The following DTWD2 variants were observed in gnomAD, a reference collection of about 807,000 sequenced individuals.
The protein encoded by DTWD2 is DTW motif tRNA-uridine aminocarboxypropyltransferase 2.
In DTWD2, 39 loss-of-function variants were observed where a neutral mutation model predicts 31.8. The ratio of observed to expected loss-of-function variants is 1.22; its 90% CI spans 0.95 to 1.60. DTWD2 has a LOEUF of 1.60. Ranked by LOEUF, DTWD2 falls within the 40% of genes most tolerant of loss-of-function variation. The pLI is 0.00. For missense variants in DTWD2, 515 were observed against 381.5 expected (o/e 1.35, Z -2.92); for synonymous variants, 180 against 142.8 (o/e 1.26, Z -1.86).
chr5:118,842,205 C>T (rs978996932), intron 5 of DTWD2, among the ~76,000 whole-genome samples: 7 of 152,128 alleles, frequency 4.6e-5, no homozygotes, highest in East Asian at 1.9e-4. Context: ...GTTGCTTCTT[C>T]GTATTATTTT....
intron 4 of DTWD2, among the ~76,000 whole-genome samples, chr5:118,870,932 C>A (rs1002018940): frequency 1.3e-5 from 2 of 149,090 alleles, no homozygotes; most frequent in African/African-American, 4.9e-5. Flanking sequence ...TATATAATAA[C>A]TTATATAATA....
At chr5:118,854,266 T>C (rs73792413) in intron 4 of DTWD2, among the ~76,000 whole-genome samples, 13,288 of 152,196 alleles carry the variant, frequency 0.087, 659 homozygotes, top group Middle Eastern at 0.17. Flanking sequence ...CATGCTTATC[T>C]AATCCTTTCC....
At chr5:118,974,001 A>T (rs536695395) in intron 1 of DTWD2, 197 of 1,596,874 alleles carry the variant, frequency 1.2e-4, no homozygotes, top group Admixed American at 3.0e-4. Context: ...GAAGAAGGTG[A>T]TGGTGAGGAA....
At chr5:118,974,809 CA>C (rs963324301) in intron 1 of DTWD2, 6,218 of 305,692 alleles carry the variant, frequency 0.02, no homozygotes, top group South Asian at 0.033. Context: ...GTTGTTCTAA[CA>C]AAAAAAAAAA....
intron 4 of DTWD2, among the ~76,000 whole-genome samples, chr5:118,904,958 T>C (rs1349493252): frequency 6.6e-6 from 1 of 152,118 alleles, no homozygotes; most frequent in Non-Finnish European, 1.5e-5. Context: ...GGTAAGAGTT[T>C]AGCAGTATAA....
chr5:118,868,601 G>C (rs1012623287), intron 4 of DTWD2, among the ~76,000 whole-genome samples: 2 of 152,044 alleles, frequency 1.3e-5, no homozygotes, highest in Non-Finnish European at 2.9e-5. Flanking sequence ...ACTTTGGGAG[G>C]CTGAGGCAGA....
intron 4 of DTWD2, among the ~76,000 whole-genome samples, chr5:118,916,336 C>T (rs140956349): frequency 1.3e-5 from 2 of 152,074 alleles, no homozygotes; most frequent in African/African-American, 2.4e-5. Context: ...TAAAAGAGAT[C>T]CCATACTCTG....
chr5:118,928,847 A>G (rs776256217), intron 3 of DTWD2, 118 bp from the exon 4 acceptor site: 13 of 816,762 alleles, frequency 1.6e-5, no homozygotes, highest in African/African-American at 7.0e-5. Flanking sequence ...CTAATCAAAT[A>G]TAAGTATTAG....
At chr5:118,895,799 C>G (rs1036041391) in intron 4 of DTWD2, among the ~76,000 whole-genome samples, 1 of 152,140 alleles carries the variant, frequency 6.6e-6, no homozygotes, top group African/African-American at 2.4e-5. Context: ...GATGGGAAAA[C>G]TGGATATCCA....
chr5:118,888,352 C>G (rs914938598), intron 4 of DTWD2, among the ~76,000 whole-genome samples: 1 of 152,162 alleles, frequency 6.6e-6, no homozygotes, highest in African/African-American at 2.4e-5. Flanking sequence ...TGAAATTATA[C>G]AATAGGTACT....
At chr5:118,919,227 A>C (rs1753647782) in intron 4 of DTWD2, among the ~76,000 whole-genome samples, 1 of 152,238 alleles carries the variant, frequency 6.6e-6, no homozygotes, top group South Asian at 2.1e-4. Flanking sequence ...AAGAGTTGGA[A>C]GCAAAGGAGA....
At chr5:118,875,793 T>C (rs1752607675) in intron 4 of DTWD2, among the ~76,000 whole-genome samples, 1 of 152,004 alleles carries the variant, frequency 6.6e-6, no homozygotes, top group South Asian at 2.1e-4. Flanking sequence ...CGGACAATCT[T>C]ACACAGATCA....
intron 5 of DTWD2, among the ~76,000 whole-genome samples, chr5:118,842,770 TAAA>T (rs67399561): frequency 7.7e-5 from 11 of 141,986 alleles, no homozygotes; most frequent in African/African-American, 1.5e-4. Context: ...CTGTTTCTAT[TAAA>T]AAAAAAAAAA....
chr5:118,859,585 C>A (rs1170162106), intron 4 of DTWD2, among the ~76,000 whole-genome samples: 2 of 152,136 alleles, frequency 1.3e-5, no homozygotes, highest in Non-Finnish European at 2.9e-5. Context: ...TTTGCCCCAG[C>A]ACCAATAATT....
chr5:118,986,059 A>G (rs1278594539), intron 1 of DTWD2, among the ~76,000 whole-genome samples: 2 of 152,194 alleles, frequency 1.3e-5, no homozygotes, highest in African/African-American at 4.8e-5. Context: ...TTGTTGAACA[A>G]CTGAATTTTA....
At chr5:118,951,193 A>C (rs1754456029) in intron 1 of DTWD2, among the ~76,000 whole-genome samples, 1 of 152,146 alleles carries the variant, frequency 6.6e-6, no homozygotes, top group Admixed American at 6.5e-5. Context: ...CACAGAAGGA[A>C]ACTGTAAGCC....
At chr5:118,894,620 C>T (rs1023922659) in intron 4 of DTWD2, among the ~76,000 whole-genome samples, 1 of 152,070 alleles carries the variant, frequency 6.6e-6, no homozygotes, top group Non-Finnish European at 1.5e-5. Context: ...TAAAAAGTCT[C>T]AACAAAATAC....
chr5:118,938,086 G>T (rs1368271492), intron 3 of DTWD2, among the ~76,000 whole-genome samples: 1 of 152,096 alleles, frequency 6.6e-6, no homozygotes, highest in Admixed American at 6.6e-5. Context: ...AATGCTTGGT[G>T]GGGAGAAACA....
intron 4 of DTWD2, among the ~76,000 whole-genome samples, chr5:118,894,422 A>C (rs373583151): frequency 6.6e-6 from 1 of 152,198 alleles, no homozygotes; most frequent in East Asian, 1.9e-4. Context: ...AATAGAGCTT[A>C]AGGGACATAC....
Sources: allele counts gnomAD v4.1 joint callset (sites outside exome capture counted in the v4.1 genomes callset), GRCh38; gene constraint gnomAD v4.1.1; transcripts MANE v1.5; gene names NCBI Gene and HGNC (gene_info 2026-07-23, HGNC 2026-07-21).